Variants in ATP11A observed in about 807,000 individuals in gnomAD.
ATP11A encodes ATPase phospholipid transporting 11A.
A neutral mutation model predicts 154.4 loss-of-function variants in ATP11A; 81 were observed. That is an observed-to-expected ratio of 0.52 (90% CI 0.44 to 0.63). The LOEUF is 0.63. Among genes scored for constraint, ATP11A ranks in the 30% least tolerant of loss-of-function variants. ATP11A has a pLI of 0.00. For missense variants in ATP11A, 1,316 were observed against 1,474.3 expected (o/e 0.89, Z 1.76); for synonymous variants, 623 against 585.9 (o/e 1.06, Z -0.91).
intron 6 of ATP11A, among the ~76,000 whole-genome samples, chr13:112,816,783 C>T (rs1157928216): frequency 3.3e-5 from 5 of 152,210 alleles, no homozygotes; most frequent in Non-Finnish European, 5.9e-5. Context: ...CAACCAATTA[C>T]CTCAGGTTAA....
chr13:112,833,443 C>T (rs1055892105), intron 14 of ATP11A, among the ~76,000 whole-genome samples: 4 of 152,128 alleles, frequency 2.6e-5, no homozygotes, highest in East Asian at 1.9e-4. Flanking sequence ...AGAGCTGGTG[C>T]GGGACCTCTC....
At chr13:112,769,440 G>A (rs1186630765) in intron 1 of ATP11A, among the ~76,000 whole-genome samples, 1 of 152,214 alleles carries the variant, frequency 6.6e-6, no homozygotes, top group East Asian at 1.9e-4. Context: ...CCGGGTCCCT[G>A]GCAGCTGTGG....
chr13:112,694,587 C>A (rs1410505729), intron 1 of ATP11A, among the ~76,000 whole-genome samples: 8 of 152,172 alleles, frequency 5.3e-5, no homozygotes, highest in Admixed American at 5.2e-4. Context: ...CCCTTCCATG[C>A]CTCTATGTAG....
At position 112,690,412 on chromosome 13, in the gene ATP11A, G is replaced by A. The variant is rs1205702537; in HGVS notation, c.-5G>A. ...AACGGCGGAGCGGGAGCGGCCGGAGGAGCCATGGACTGCAGCCTCGTGCGG... is the reference window on the plus strand; with the variant it reads ...AACGGCGGAGCGGGAGCGGCCGGAGAAGCCATGGACTGCAGCCTCGTGCGG... On this transcript the variant is annotated 5_prime_UTR_variant, in exon 1 of 30. Coordinates refer to ENST00000375645, the MANE Select transcript of ATP11A (RefSeq NM_015205.3). This position sits in a 1 kb window ranked among gnomAD's most constrained non-coding sequence, Gnocchi z 5.6. 2 of 1,311,046 alleles carry A rather than the reference G, an allele frequency of 1.5e-6. No individual in the cohort carries two copies. The highest frequency in any genetic ancestry group is 3.5e-5 in the Admixed American group (1 of 28,176). The allele number at this position is 1,311,046 out of a possible 1,614,324, so 81.2% of individuals were successfully genotyped here. A position where few individuals can be genotyped will look rare whatever the true frequency, so the allele number is the denominator to read the frequency against.
intron 1 of ATP11A, among the ~76,000 whole-genome samples, chr13:112,739,257 A>G (rs1891296286): frequency 6.6e-6 from 1 of 152,226 alleles, no homozygotes; most frequent in Non-Finnish European, 1.5e-5. Context: ...AGACACAAAG[A>G]ACTCTGTCAA....
At chr13:112,742,058 C>G (rs1891619306) in intron 1 of ATP11A, among the ~76,000 whole-genome samples, 1 of 152,164 alleles carries the variant, frequency 6.6e-6, no homozygotes, top group South Asian at 2.1e-4. Context: ...TCCCCCTCCC[C>G]ACAGTGCGCT....
chr13:112,700,007 G>C (rs1886336431), intron 1 of ATP11A, among the ~76,000 whole-genome samples: 1 of 149,886 alleles, frequency 6.7e-6, no homozygotes. Context: ...TCAGGAAAGG[G>C]CTGCCAATTT....
chr13:112,805,695 A>G (rs1049375832), intron 3 of ATP11A, among the ~76,000 whole-genome samples: 6 of 151,388 alleles, frequency 4.0e-5, no homozygotes, highest in Admixed American at 1.3e-4. Flanking sequence ...AAAAAGAGAA[A>G]GAAAAAGAAA....
At chr13:112,811,804 C>T (rs1334750893) in intron 5 of ATP11A, 2 of 152,176 alleles carry the variant, frequency 1.3e-5, no homozygotes, top group East Asian at 1.9e-4. Context: ...GGGGTCTTAA[C>T]AAAATGTTGG....
rs1478181167 is a variant in ATP11A, at chr13:112,828,301, AAGTGTTGAGTAGGGGGGAAAGCACCCAGC to A, written c.1221+1421_1221+1449del. On this transcript the variant is annotated intron_variant, in intron 12 of 29. Transcript: ENST00000375645. ...GTTGAGTAGGGGGGAAAGTACCCAG[AAGTGTTGAGTAGGGGGGAAAGCACCCAGC>A]AGTGTTGAGTGGGGGGAAAGCACCC... Among the ~76,000 whole-genome samples, 236 of 111,202 alleles carry A rather than the reference AAGTGTTGAGTAGGGGGGAAAGCACCCAGC, an allele frequency of 2.1e-3. 1 individual carries two copies. Among genetic ancestry groups the A allele is most frequent in the Admixed American group, 4.8e-3 (45 of 9,300 alleles). 73.0% of individuals were successfully genotyped at this position (111,202 alleles called of 152,430 possible). A position where few individuals can be genotyped will look rare whatever the true frequency, so the allele number is the denominator to read the frequency against.
At chr13:112,731,752 A>C (rs1890501851) in intron 1 of ATP11A, among the ~76,000 whole-genome samples, 1 of 152,174 alleles carries the variant, frequency 6.6e-6, no homozygotes, top group African/African-American at 2.4e-5. Flanking sequence ...GAGACTTACA[A>C]CAACCTATGC....
intron 1 of ATP11A, among the ~76,000 whole-genome samples, chr13:112,768,811 T>C (rs1337749412): frequency 6.6e-6 from 1 of 152,116 alleles, no homozygotes; most frequent in Admixed American, 6.5e-5. Flanking sequence ...TTGGGAAGAA[T>C]CTGGAGGTCG....
rs1165662740 is a variant in ATP11A, at chr13:112,860,398, G to A, written c.2839G>A (p.Asp947Asn). 6.2e-7 allele frequency: 1 copy of A among 1,614,124 alleles called. No individual in the cohort carries two copies. Among genetic ancestry groups the A allele is most frequent in the Admixed American group, 1.7e-5 (1 of 60,014 alleles). ...TGTTGGCATTGACGTGCTCAAGAGA[G>A]ACCCGACCCTGTACAGGTACCATCC... Reference protein sequence around the residue: ...QHVGIDVLKRDPTLYRDVAKN... With the variant: ...QHVGIDVLKRNPTLYRDVAKN... The change falls in exon 24 of 30, where the codon GAC (aspartate) becomes AAC (asparagine). Residue 947 changes from aspartate (D) to asparagine (N), a missense_variant. Asp to Asn is a conservative substitution (Grantham distance 23, BLOSUM62 1). Transcript: ENST00000375645.
intron 1 of ATP11A, among the ~76,000 whole-genome samples, chr13:112,700,449 C>T (rs1300387158): frequency 6.6e-6 from 1 of 152,182 alleles, no homozygotes; most frequent in African/African-American, 2.4e-5. Flanking sequence ...CAGCCCCTCT[C>T]GATCCTCACA....
rs201923165 is a variant in ATP11A at position 112,832,920 on chromosome 13, G to A, written c.1456G>A (p.Asp486Asn). The change falls in exon 14 of 30, where the codon GAT becomes AAT. Residue 486 changes from aspartate to asparagine, a missense_variant. This residue lies in a region of ATP11A where 876 missense variants were observed against 1,006.8 expected (regional missense o/e 0.87). Coordinates refer to ENST00000375645, the MANE Select transcript of ATP11A (RefSeq NM_015205.3). ...CLCHTVQVKD[D>N]DSVDGPRKSP... ...CTGCCACACCGTCCAGGTGAAAGAC[G>A]ATGACAGCGTAGACGGCCCCAGGAA... The A allele has an allele frequency of 6.1e-5, 98 of 1,614,130 alleles. No individual in the cohort carries two copies. In the Admixed American group the frequency reaches 1.1e-3, roughly 19 times the overall value.
Position 112,785,392 on chromosome 13 carries a change from G to C in ATP11A, c.162+135G>C, listed in dbSNP as rs2077600375. 2.7e-6 allele frequency: 3 copies of C among 1,098,020 alleles called. No individual in the cohort carries two copies. Among genetic ancestry groups the C allele is most frequent in the South Asian group, 6.0e-5 (2 of 33,240 alleles). The allele number at this position is 1,098,020 out of a possible 1,614,324, so 68.0% of individuals were successfully genotyped here. A position where few individuals can be genotyped will look rare whatever the true frequency, so the allele number is the denominator to read the frequency against. On this transcript the variant is annotated intron_variant, in intron 2 of 29. Coordinates refer to ENST00000375645, the MANE Select transcript of ATP11A (RefSeq NM_015205.3). The surrounding 1 kb of genome is among the most constrained non-coding windows in gnomAD (Gnocchi z 4.8). ...CAGCCACCAGCCACCCCCAGCAAGG[G>C]CTTCGGATCAGGACCTCACCGAGGG...
At chr13:112,834,866 C>T (rs886742136) in intron 15 of ATP11A, among the ~76,000 whole-genome samples, 3 of 152,240 alleles carry the variant, frequency 2.0e-5, no homozygotes, top group Non-Finnish European at 4.4e-5. Flanking sequence ...GCAGCCACAG[C>T]GCTGCTTCCC....
rs2080960189 is a variant in ATP11A at position 112,885,400 on chromosome 13, C to T, written c.*3534C>T. The T allele has an allele frequency of 6.6e-6, 1 of 152,284 alleles. No homozygotes were observed. The highest frequency in any genetic ancestry group is 2.1e-4 in the South Asian group (1 of 4,838). 9.4% of individuals were successfully genotyped at this position (152,284 alleles called of 1,614,324 possible). On this transcript the variant is annotated 3_prime_UTR_variant, in exon 30 of 30. Coordinates refer to ENST00000375645, the MANE Select transcript of ATP11A (RefSeq NM_015205.3). ...ACGTGCAGCCTCCTGCACACGTGCACATTCATGTGTACACCACAAATGAGT... is the reference window on the plus strand; with the variant it reads ...ACGTGCAGCCTCCTGCACACGTGCATATTCATGTGTACACCACAAATGAGT...
At chr13:112,727,902 G>A (rs926983595) in intron 1 of ATP11A, among the ~76,000 whole-genome samples, 1 of 152,218 alleles carries the variant, frequency 6.6e-6, no homozygotes, top group Non-Finnish European at 1.5e-5. Context: ...CATGCGTTGC[G>A]GAATCGAATT....
Sources: allele counts gnomAD v4.1 joint callset (sites outside exome capture counted in the v4.1 genomes callset), GRCh38; gene constraint gnomAD v4.1.1; regional missense constraint gnomAD v4.1.1; non-coding constraint Gnocchi (gnomAD v3.1); transcripts MANE v1.5; gene names NCBI Gene and HGNC (gene_info 2026-07-23, HGNC 2026-07-21).